NCKAP1L: variants seen among roughly 807,000 people sequenced by gnomAD.
The protein encoded by NCKAP1L is NCK associated protein 1 like.
NCKAP1L carries 53 observed loss-of-function variants against 139.2 expected under a neutral mutation model. The observed-to-expected ratio is 0.38, with a 90% CI of 0.31 to 0.48. The LOEUF (loss-of-function observed/expected upper bound fraction) is 0.48. Among genes scored for constraint, NCKAP1L ranks in the 20% least tolerant of loss-of-function variants. The probability of loss-of-function intolerance (pLI) is 0.98; values close to 1 mark genes in which losing one functional copy is unlikely to be tolerated. For missense variants in NCKAP1L, 1,151 were observed against 1,381.9 expected, an observed-to-expected ratio of 0.83 and a Z score of 2.65; for synonymous variants, 468 against 499.7, an observed-to-expected ratio of 0.94 and a Z score of 0.85.
In NCKAP1L at chr12:54,497,845, A is replaced by G; in HGVS notation, c.56A>G (p.Asn19Ser). ...TTAGCAGAGAAGCTCACTATCCTGA[A>G]TGATCGCGGTCAGGGGGTTCTCATC... The part of the protein sequence containing the change: ...HKLAEKLTIL[N>S]DRGQGVLIRM... Residue 19 changes from asparagine (N) to serine (S), a missense_variant, in exon 1 of 31, where the codon AAT becomes AGT. Coordinates refer to ENST00000293373, the MANE Select transcript of NCKAP1L (RefSeq NM_005337.5). 1.2e-6 allele frequency: 2 copies of G among 1,613,732 alleles called. No homozygotes were observed. Among genetic ancestry groups the G allele is most frequent in the Admixed American group, 3.3e-5 (2 of 60,036 alleles).
chr12:54,505,094 C>G (rs1228905546), intron 3 of NCKAP1L, among the ~76,000 whole-genome samples: 1 of 152,254 alleles, frequency 6.6e-6, no homozygotes. Flanking sequence ...CCATTCCTTA[C>G]TAGCTCTATG....
chr12:54,531,859 AC>A, intron 25 of NCKAP1L, 34 bp downstream of exon 25: 1 of 1,506,774 alleles, frequency 6.6e-7, no homozygotes, highest in Non-Finnish European at 9.2e-7. Flanking sequence ...TCACAGAGTC[AC>A]AGATACCTCT....
At chr12:54,499,223 C>T (rs1454959231) in intron 1 of NCKAP1L, 132 bp from the exon 2 acceptor site, 3 of 601,820 alleles carry the variant, frequency 5.0e-6, no homozygotes, top group East Asian at 2.9e-5. Context: ...TGCGCCCAGC[C>T]TCTCATGCTT....
chr12:54,499,960 G>A (rs1157023776), intron 2 of NCKAP1L, among the ~76,000 whole-genome samples: 1 of 152,012 alleles, frequency 6.6e-6, no homozygotes, highest in Non-Finnish European at 1.5e-5. Flanking sequence ...ATCTGAAAGG[G>A]TGCTTAAAAT....
chr12:54,521,233 G>A lies in NCKAP1L; in HGVS notation c.1873G>A (p.Glu625Lys), dbSNP rs762723962. 13 of 1,613,918 alleles carry A rather than the reference G, an allele frequency of 8.1e-6. No individual in the cohort carries two copies. Among genetic ancestry groups the A allele is most frequent in the Middle Eastern group, 1.7e-4 (1 of 6,060 alleles). ...CTGTGCTGAGCAGCGAAACCTGAGC[G>A]AGCAGGTAGACTCAGCCCTCTCTGT... ...EICAEQRNLS[E>K]QLLPKHCATT... Residue 625 changes from glutamate to lysine, a missense_variant, in exon 18 of 31, where the codon GAG becomes AAG. By Grantham distance (56) the Glu-to-Lys change is moderately conservative. Coordinates refer to ENST00000293373, the MANE Select transcript of NCKAP1L (RefSeq NM_005337.5).
intron 22 of NCKAP1L, among the ~76,000 whole-genome samples, chr12:54,529,462 A>G (rs1367337377): frequency 6.6e-6 from 1 of 152,140 alleles, no homozygotes; most frequent in Non-Finnish European, 1.5e-5. Context: ...GGGACGCTGC[A>G]TAGTATCTGG....
chr12:54,524,018 A>G, intron 20 of NCKAP1L, 62 bp downstream of exon 20: 2 of 1,527,042 alleles, frequency 1.3e-6, no homozygotes, highest in Non-Finnish European at 8.9e-7. Context: ...ATATACCTCT[A>G]TGTGTAGTAT....
In NCKAP1L at chr12:54,539,048, G is replaced by T. The variant is rs572279031; in HGVS notation, c.3273+75G>T. ...AGGGAGACTTCTGTTTAGGGTCTTTGCATCCTTGCCATTCTTGTCACCCAA... is the reference window on the plus strand; with the variant it reads ...AGGGAGACTTCTGTTTAGGGTCTTTTCATCCTTGCCATTCTTGTCACCCAA... On this transcript the variant is annotated intron_variant, in intron 30 of 30. Coordinates refer to ENST00000293373, the MANE Select transcript of NCKAP1L (RefSeq NM_005337.5). 6 of 1,296,186 alleles carry T rather than the reference G, an allele frequency of 4.6e-6. No individual in the cohort carries two copies. The East Asian group carries it at 1.4e-4, about 30-fold the overall frequency. 80.3% of individuals were successfully genotyped at this position (1,296,186 alleles called of 1,614,324 possible).
chr12:54,516,234 C>T lies in NCKAP1L; in HGVS notation c.942-5C>T. 6.2e-7 allele frequency: 1 copy of T among 1,613,870 alleles called. No homozygotes were observed. The highest frequency in any genetic ancestry group is 8.5e-7 in the Non-Finnish European group (1 of 1,179,910). On this transcript the variant is annotated splice_region_variant and splice_polypyrimidine_tract_variant and intron_variant, in intron 9 of 30. Transcript: ENST00000293373. ...CAACCCCATTGTGCTTGTGTCAATC[C>T]TCAGGTATGGCAAGAGAGTGGCAGA...
At position 54,512,039 on chromosome 12, in the gene NCKAP1L, C is replaced by T. The variant is rs767798885; in HGVS notation, c.875C>T (p.Thr292Ile). Residue 292 changes from threonine (T) to isoleucine (I), a missense_variant, in exon 9 of 31, where the codon ACC becomes ATC. Physicochemically the swap from Thr to Ile is moderately conservative, Grantham distance 89 (BLOSUM62 -1). Transcript: ENST00000293373. ...KLCLQGSLYI[T>I]LIREDVLQVH... ...TGTCTGCAGGGCTCCCTCTACATCA[C>T]CCTTATCCGTGAGGATGTGCTGCAG... 6.2e-7 allele frequency: 1 copy of T among 1,614,170 alleles called. No homozygotes were observed. The highest frequency in any genetic ancestry group is 8.5e-7 in the Non-Finnish European group (1 of 1,180,024).
chr12:54,529,540 C>A (rs971467365), intron 22 of NCKAP1L, among the ~76,000 whole-genome samples: 3 of 152,102 alleles, frequency 2.0e-5, no homozygotes, highest in African/African-American at 7.2e-5. Context: ...GCTAAGAAAG[C>A]CAAAGTACAC....
chr12:54,523,376 C>T lies in NCKAP1L; in HGVS notation c.1879-18C>T, dbSNP rs1289251697. 1 of 1,603,654 alleles carries T rather than the reference C, an allele frequency of 6.2e-7. No individual in the cohort carries two copies. Among genetic ancestry groups the T allele is most frequent in the African/African-American group, 1.3e-5 (1 of 74,128 alleles). ...CAACAAATCCCCTTTCTCCATTTAC[C>T]TGTGTTTGTTTCTGAAGCTTCTACC... On this transcript the variant is annotated intron_variant, in intron 18 of 30. Coordinates refer to ENST00000293373, the MANE Select transcript of NCKAP1L (RefSeq NM_005337.5).
At chr12:54,537,520 A>G (rs544115957) in intron 29 of NCKAP1L, among the ~76,000 whole-genome samples, 2 of 152,322 alleles carry the variant, frequency 1.3e-5, no homozygotes, top group South Asian at 4.1e-4. Context: ...AGAATATTGT[A>G]GGGTAAATCT....
intron 4 of NCKAP1L, 90 bp from the exon 5 acceptor site, chr12:54,508,299 A>G: frequency 2.4e-6 from 3 of 1,264,798 alleles, no homozygotes; most frequent in Non-Finnish European, 3.4e-6. Context: ...CTCGGAATAT[A>G]TTGAGCACTG....
In NCKAP1L at chr12:54,528,287, A is replaced by G. The variant is rs1185802123; in HGVS notation, c.2416A>G (p.Ile806Val). ...SLLRQASSGT[I>V]ILSPAMQAFV... The stretch of plus-strand genomic sequence containing the variant: ...GCTTAGACAGGCAAGCAGTGGGACC[A>G]TCATCCTCTCCCCAGCCATGCAGGC... Residue 806 changes from isoleucine (I) to valine (V), a missense_variant, in exon 22 of 31, where the codon ATC becomes GTC. Transcript: ENST00000293373. The G allele has an allele frequency of 1.2e-6, 2 of 1,613,994 alleles. No individual in the cohort carries two copies. The highest frequency in any genetic ancestry group is 1.7e-6 in the Non-Finnish European group (2 of 1,179,926).
chr12:54,508,224 AC>A (rs1416407438), intron 4 of NCKAP1L, among the ~76,000 whole-genome samples, 164 bp from the exon 5 acceptor site: 5 of 152,122 alleles, frequency 3.3e-5, no homozygotes, highest in Admixed American at 3.3e-4. Flanking sequence ...TTAGCCCCTG[AC>A]TTTTGTTCCA....
At position 54,536,161 on chromosome 12, in the gene NCKAP1L, G is replaced by A; in HGVS notation, c.2989G>A (p.Ala997Thr). ...ATCTCCTGAGGAGGAATATAAGGTG[G>A]CCTGCCTGCTCTTGATCTTTCTGGC... The part of the protein sequence containing the change: ...TSSPEEEYKV[A>T]CLLLIFLAVS... Residue 997 changes from alanine to threonine, a missense_variant, in exon 28 of 31, where the codon GCC becomes ACC. Transcript: ENST00000293373. 6.2e-7 allele frequency: 1 copy of A among 1,613,332 alleles called. No individual in the cohort carries two copies. Among genetic ancestry groups the A allele is most frequent in the Middle Eastern group, 1.7e-4 (1 of 5,966 alleles).
At chr12:54,502,630 T>C (rs1956807433) in intron 3 of NCKAP1L, among the ~76,000 whole-genome samples, 1 of 151,946 alleles carries the variant, frequency 6.6e-6, no homozygotes, top group Non-Finnish European at 1.5e-5. Flanking sequence ...AATATAATTA[T>C]CATACTCAGG....
In NCKAP1L at chr12:54,531,087, A is replaced by T. The variant is rs184139883; in HGVS notation, c.2507-173A>T. 4.2e-3 allele frequency among the ~76,000 whole-genome samples: 640 copies of T among 152,360 alleles called. 4 individuals are homozygous for T. Among genetic ancestry groups the T allele is most frequent in the African/African-American group, 0.015 (624 of 41,592 alleles). On this transcript the variant is annotated intron_variant, in intron 22 of 30. Transcript: ENST00000293373. ...TGGAGAGAGGGTAAATGTCCCATGGACTTGCCAGACTTGTCACTTGAATGT... is the reference window on the plus strand; with the variant it reads ...TGGAGAGAGGGTAAATGTCCCATGGTCTTGCCAGACTTGTCACTTGAATGT...
Sources: allele counts gnomAD v4.1 joint callset (sites outside exome capture counted in the v4.1 genomes callset), GRCh38; gene constraint gnomAD v4.1.1; transcripts MANE v1.5; gene names NCBI Gene and HGNC (gene_info 2026-07-23, HGNC 2026-07-21).